LMNTD1: variants seen among roughly 807,000 people sequenced by gnomAD.
LMNTD1 encodes the protein lamin tail domain-containing protein 1.
LMNTD1 carries 35 observed loss-of-function variants against 50.9 expected under a neutral mutation model. That is an observed-to-expected ratio of 0.69 (90% confidence interval 0.53 to 0.91). LMNTD1 has a LOEUF of 0.91. Among genes scored for constraint, LMNTD1 ranks in the 40% least tolerant of loss-of-function variants. The pLI is 0.00. For synonymous variants in LMNTD1, 153 were observed against 161.9 expected (o/e 0.94, Z 0.42); for missense variants, 470 against 475.5 (o/e 0.99, Z 0.11).
chr12:25,636,073 G>A (rs1367445497), intron 1 of LMNTD1, among the ~76,000 whole-genome samples: 1 of 152,100 alleles, frequency 6.6e-6, no homozygotes, highest in Non-Finnish European at 1.5e-5. Flanking sequence ...CATTGGCTTA[G>A]GCAAAGATTT....
intron 9 of LMNTD1, among the ~76,000 whole-genome samples, chr12:25,500,985 T>C (rs1591832239): frequency 3.8e-5 from 2 of 52,146 alleles, no homozygotes. Flanking sequence ...TTTTGTCTGT[T>C]TGTTTGTTTT....
chr12:25,526,147 A>G lies in LMNTD1; in HGVS notation c.750T>C (p.Phe250=). 6.2e-7 allele frequency: 1 copy of G among 1,610,984 alleles called. No homozygotes were observed. Among genetic ancestry groups the G allele is most frequent in the South Asian group, 1.1e-5 (1 of 90,780 alleles). Residue 250 remains phenylalanine, a synonymous_variant, in exon 6 of 10, where the codon TTT becomes TTC. Transcript: ENST00000458174. ...SDFLWKEQDK[F]RASPDCITIL... ...TTGTTATACAATCAGGACTTGCTCT[A>G]AACTTGTCTTGTTCCTTCCAAAGAA...
At position 25,590,264 on chromosome 12, in the gene LMNTD1, A is replaced by G. The variant is rs529998043; in HGVS notation, c.59-43710T>C. On this transcript the variant is annotated intron_variant, in intron 1 of 7. Transcript: ENST00000445693. ...GTGCGTGGGAGAAGGAGATCACAGC[A>G]ATTGTGAGGCACTGAACTCACTGCT... 2.6e-5 allele frequency among the ~76,000 whole-genome samples: 4 copies of G among 152,288 alleles called. No individual in the cohort carries two copies. In the South Asian group the frequency reaches 6.2e-4, roughly 24 times the overall value.
At chr12:25,480,807 C>A (rs749171281) in intron 9 of LMNTD1, among the ~76,000 whole-genome samples, 16 of 152,170 alleles carry the variant, frequency 1.1e-4, no homozygotes, top group Non-Finnish European at 1.6e-4. Context: ...AACAGCAAAG[C>A]TAGTTGAGCC....
intron 1 of LMNTD1, among the ~76,000 whole-genome samples, chr12:25,637,618 CCATTAAGCACACCAACTT>C (rs202029162): frequency 0.018 from 2,739 of 152,036 alleles, 78 homozygotes; most frequent in African/African-American, 0.062. Flanking sequence ...CTGTGGGACA[CCATTAAGCACACCAACTT>C]CATTAAGCAC....
At chr12:25,591,215 C>T (rs1246670108) in intron 1 of LMNTD1, among the ~76,000 whole-genome samples, 1 of 146,992 alleles carries the variant, frequency 6.8e-6, no homozygotes, top group Non-Finnish European at 1.5e-5. Context: ...GTTTTCTTCC[C>T]TTACTTTTCC....
intron 1 of LMNTD1, among the ~76,000 whole-genome samples, chr12:25,590,578 G>C (rs1047192145): frequency 1.1e-4 from 16 of 152,184 alleles, no homozygotes; most frequent in African/African-American, 3.9e-4. Context: ...GGTGTCTAAG[G>C]GGGTGCTAGC....
chr12:25,539,285 C>G (rs1370053973), intron 4 of LMNTD1, among the ~76,000 whole-genome samples: 1 of 151,466 alleles, frequency 6.6e-6, no homozygotes, highest in Non-Finnish European at 1.5e-5. Context: ...TTTTCAGCAC[C>G]ACACCACACC....
At chr12:25,630,544 C>G (rs1946693677) in intron 1 of LMNTD1, 1 of 152,314 alleles carries the variant, frequency 6.6e-6, no homozygotes. Flanking sequence ...AAACACACAC[C>G]CCCGCTGGAG....
intron 1 of LMNTD1, among the ~76,000 whole-genome samples, chr12:25,568,888 C>T (rs1335119158): frequency 6.6e-6 from 1 of 152,220 alleles, no homozygotes; most frequent in Non-Finnish European, 1.5e-5. Context: ...TCTGCCTAAC[C>T]CCTAACTCAG....
intron 1 of LMNTD1, among the ~76,000 whole-genome samples, chr12:25,564,864 CTCTT>C (rs1292931760): frequency 5.9e-5 from 9 of 152,240 alleles, no homozygotes; most frequent in Admixed American, 4.6e-4. Flanking sequence ...GTCTATCTCT[CTCTT>C]TATCTCTAAT....
intron 8 of LMNTD1, among the ~76,000 whole-genome samples, chr12:25,507,732 A>G (rs1431293295): frequency 6.6e-6 from 1 of 152,212 alleles, no homozygotes; most frequent in Non-Finnish European, 1.5e-5. Flanking sequence ...TTTGCAGCAG[A>G]GGCTGAGAAA....
intron 1 of LMNTD1, among the ~76,000 whole-genome samples, chr12:25,641,273 G>A (rs1453239271): frequency 6.6e-6 from 1 of 152,124 alleles, no homozygotes; most frequent in Non-Finnish European, 1.5e-5. Context: ...AGGTAATATT[G>A]ATGTCTTGAT....
intron 1 of LMNTD1, among the ~76,000 whole-genome samples, chr12:25,603,762 A>C (rs1946033495): frequency 6.6e-6 from 1 of 152,076 alleles, no homozygotes; most frequent in African/African-American, 2.4e-5. Context: ...TGCATAAATG[A>C]AGTCTGCAGT....
At chr12:25,647,921 G>C (rs10842592) in intron 1 of LMNTD1, among the ~76,000 whole-genome samples, 91,845 of 151,972 alleles carry the variant, frequency 0.6, 28,355 homozygotes, top group Non-Finnish European at 0.68. Context: ...ATTATCTGAG[G>C]ATGTTTTCTC....
intron 1 of LMNTD1, among the ~76,000 whole-genome samples, chr12:25,635,371 T>G (rs754125625): frequency 6.6e-6 from 1 of 151,952 alleles, no homozygotes; most frequent in Non-Finnish European, 1.5e-5. Context: ...AACTAAGAAT[T>G]CAACCCCTTT....
intron 1 of LMNTD1, among the ~76,000 whole-genome samples, chr12:25,606,346 C>T (rs1946101765): frequency 6.6e-6 from 1 of 152,144 alleles, no homozygotes. Context: ...GCCTGATTGC[C>T]CTGGCCAGAA....
intron 9 of LMNTD1, among the ~76,000 whole-genome samples, chr12:25,490,290 G>A (rs973294386): frequency 4.0e-5 from 6 of 151,638 alleles, no homozygotes; most frequent in Non-Finnish European, 5.9e-5. Context: ...CACTTGGGAA[G>A]TTCAAAGAGG....
chr12:25,505,143 T>C (rs1939649261), intron 8 of LMNTD1, among the ~76,000 whole-genome samples: 1 of 152,170 alleles, frequency 6.6e-6, no homozygotes, highest in Non-Finnish European at 1.5e-5. Flanking sequence ...GGACTGTCAG[T>C]AGTGGTGGTG....
Sources: gnomAD v4.1 joint callset for allele counts (sites outside exome capture counted in the v4.1 genomes callset) on GRCh38, gnomAD v4.1.1 for gene constraint, MANE v1.5 for transcripts, NCBI Gene and HGNC (gene_info 2026-07-23, HGNC 2026-07-21) for gene names.